The following LPAR3 variants were observed in gnomAD, a reference collection of about 807,000 sequenced individuals.
LPAR3 encodes the protein lysophosphatidic acid receptor 3, also known as LPA receptor 3.
LPAR3 carries 7 observed loss-of-function variants against 17.8 expected under a neutral mutation model. That is an observed-to-expected ratio of 0.39 (90% CI 0.22 to 0.74). The LOEUF (loss-of-function observed/expected upper bound fraction) is 0.74. Ranked by LOEUF, LPAR3 falls within the 30% of genes least tolerant of loss-of-function variation. The pLI is 0.40. For synonymous variants in LPAR3, 179 were observed against 179.9 expected (o/e 0.99, Z 0.04); for missense variants, 391 against 453.4 (o/e 0.86, Z 1.25).
At chr1:84,830,853 C>T (rs1388098132) in intron 2 of LPAR3, among the ~76,000 whole-genome samples, 2 of 152,032 alleles carry the variant, frequency 1.3e-5, no homozygotes, top group Admixed American at 1.3e-4. Flanking sequence ...TTTACCTTAC[C>T]CCCGGGCAAA....
In LPAR3 at chr1:84,851,544, T is replaced by A. The variant is rs117921756; in HGVS notation, c.736+13841A>T. 1.3e-3 allele frequency among the ~76,000 whole-genome samples: 203 copies of A among 152,310 alleles called. 4 individuals carry two copies. In the East Asian group the frequency reaches 0.037, roughly 27 times the overall value. On this transcript the variant is annotated intron_variant, in intron 2 of 2. Transcript: ENST00000370611. ...TAATAGAGTGGGTTACTTTTATGAG[T>A]TAATTCTTTTAATATATAAATAGTA...
chr1:84,862,520 A>G (rs572146028), intron 2 of LPAR3, among the ~76,000 whole-genome samples: 1 of 152,364 alleles, frequency 6.6e-6, no homozygotes, highest in South Asian at 2.1e-4. Context: ...CAGGGTTTCC[A>G]TGAGAATTAA....
intron 2 of LPAR3, among the ~76,000 whole-genome samples, chr1:84,835,286 T>G (rs563585586): frequency 2.0e-5 from 3 of 152,240 alleles, no homozygotes; most frequent in Admixed American, 2.0e-4. Flanking sequence ...TTGATTAACG[T>G]GCCTGCAACT....
At chr1:84,889,304 C>T (rs555143492) in intron 1 of LPAR3, among the ~76,000 whole-genome samples, 1 of 152,098 alleles carries the variant, frequency 6.6e-6, no homozygotes, top group Non-Finnish European at 1.5e-5. Flanking sequence ...GGGAGCAATG[C>T]CTTTGGTCAG....
chr1:84,880,092 G>A (rs1031562426), intron 1 of LPAR3, among the ~76,000 whole-genome samples: 1 of 152,202 alleles, frequency 6.6e-6, no homozygotes, highest in Admixed American at 6.5e-5. Flanking sequence ...CACTTTGGGA[G>A]GCCAAGGTGG....
At chr1:84,876,797 T>C (rs1660268319) in intron 1 of LPAR3, among the ~76,000 whole-genome samples, 1 of 152,206 alleles carries the variant, frequency 6.6e-6, no homozygotes, top group Non-Finnish European at 1.5e-5. Context: ...TTTAGAATGA[T>C]CTAGTACACT....
chr1:84,836,764 A>G (rs954030201), intron 2 of LPAR3, among the ~76,000 whole-genome samples: 2 of 152,222 alleles, frequency 1.3e-5, no homozygotes, highest in Non-Finnish European at 2.9e-5. Context: ...TATTTTATAG[A>G]TGAGAAGACT....
At chr1:84,823,063 C>T (rs888365430) in intron 2 of LPAR3, among the ~76,000 whole-genome samples, 2 of 152,136 alleles carry the variant, frequency 1.3e-5, no homozygotes, top group African/African-American at 4.8e-5. Flanking sequence ...ATCTGATTTA[C>T]TAAAATAGAA....
chr1:84,882,299 T>C (rs757719045), intron 1 of LPAR3, among the ~76,000 whole-genome samples: 3 of 152,158 alleles, frequency 2.0e-5, no homozygotes, highest in East Asian at 1.9e-4. Context: ...AAAAGACTTA[T>C]ACACTGAAAA....
At chr1:84,851,680 C>T (rs932658690) in intron 2 of LPAR3, among the ~76,000 whole-genome samples, 3 of 152,160 alleles carry the variant, frequency 2.0e-5, no homozygotes, top group Non-Finnish European at 2.9e-5. Context: ...GTTTGCCATG[C>T]TACAGAAAAC....
intron 2 of LPAR3, among the ~76,000 whole-genome samples, chr1:84,837,779 T>C (rs1557594678): frequency 6.6e-6 from 1 of 152,194 alleles, no homozygotes; most frequent in African/African-American, 2.4e-5. Context: ...ATACCACTTC[T>C]TTTCTGGACC....
chr1:84,876,491 T>G (rs1660259474), intron 1 of LPAR3, among the ~76,000 whole-genome samples: 1 of 152,128 alleles, frequency 6.6e-6, no homozygotes. Flanking sequence ...GGTTAACCAC[T>G]ATCAGGCATC....
At chr1:84,843,029 G>A (rs539709960) in intron 2 of LPAR3, among the ~76,000 whole-genome samples, 1 of 152,168 alleles carries the variant, frequency 6.6e-6, no homozygotes, top group African/African-American at 2.4e-5. Flanking sequence ...GGTCTGAGAG[G>A]GGGAGGACCA....
intron 2 of LPAR3, among the ~76,000 whole-genome samples, chr1:84,857,230 C>CTCTT (rs1421596580): frequency 6.6e-6 from 1 of 152,152 alleles, no homozygotes; most frequent in East Asian, 1.9e-4. Flanking sequence ...CAGGGCATGG[C>CTCTT]TCTTTAGAAT....
At chr1:84,843,041 G>A (rs897995191) in intron 2 of LPAR3, among the ~76,000 whole-genome samples, 1 of 152,178 alleles carries the variant, frequency 6.6e-6, no homozygotes, top group Non-Finnish European at 1.5e-5. Flanking sequence ...GGAGGACCAA[G>A]TACTGAAGAG....
intron 2 of LPAR3, among the ~76,000 whole-genome samples, chr1:84,850,743 C>G (rs555440347): frequency 1.1e-3 from 160 of 152,380 alleles, no homozygotes; most frequent in Non-Finnish European, 1.8e-3. Context: ...ACAGATCCCC[C>G]CGGCTCAGGC....
chr1:84,877,068 G>A (rs563567322), intron 1 of LPAR3, among the ~76,000 whole-genome samples: 10 of 152,258 alleles, frequency 6.6e-5, no homozygotes, highest in Admixed American at 3.9e-4. Context: ...CCAGCCTTGT[G>A]CACCATGGAA....
rs150427181 is a variant in LPAR3 at position 84,865,322 on chromosome 1, G to T, written c.736+63C>A. The T allele has an allele frequency of 3.5e-4, 529 of 1,512,554 alleles. 1 individual carries two copies. The African/African-American group carries it at 6.4e-3, about 18-fold the overall frequency. 93.7% of individuals were successfully genotyped at this position (1,512,554 alleles called of 1,614,324 possible). ...CCTAGTAAGTGCCTGGTACACCACA[G>T]ATGCTCCGTAAAGATTTGCTGAATG... On this transcript the variant is annotated intron_variant, in intron 2 of 2. Transcript: ENST00000370611.
At chr1:84,854,029 A>G (rs1390303498) in intron 2 of LPAR3, among the ~76,000 whole-genome samples, 1 of 152,126 alleles carries the variant, frequency 6.6e-6, no homozygotes, top group South Asian at 2.1e-4. Flanking sequence ...TCATATACCC[A>G]TGTTATCTGC....
Sources: gnomAD v4.1 joint callset for allele counts (sites outside exome capture counted in the v4.1 genomes callset) on GRCh38, gnomAD v4.1.1 for gene constraint, MANE v1.5 for transcripts, NCBI Gene and HGNC (gene_info 2026-07-23, HGNC 2026-07-21) for gene names.